Variants in TRHDE observed in about 807,000 individuals in gnomAD.
TRHDE encodes the protein thyrotropin-releasing hormone-degrading ectoenzyme.
Under a neutral mutation model 125.7 loss-of-function variants are expected in TRHDE, and 72 were observed. The ratio of observed to expected loss-of-function variants is 0.57; its 90% confidence interval spans 0.47 to 0.70. The LOEUF (loss-of-function observed/expected upper bound fraction) is 0.70, where lower values mean the gene tolerates loss of function less well. Ranked by LOEUF, TRHDE falls within the 30% of genes least tolerant of loss-of-function variation. The pLI, the probability that TRHDE is intolerant of heterozygous loss-of-function variation, is 0.00. For missense variants in TRHDE, 1,110 were observed against 1,327.1 expected, an observed-to-expected ratio of 0.84 and a Z score of 2.54; for synonymous variants, 509 against 509.1, an observed-to-expected ratio of 1.00 and a Z score of 0.00.
chr12:72,469,610 A>G, intron 3 of TRHDE, 148 bp from the exon 4 acceptor site: 1 of 733,420 alleles, frequency 1.4e-6, no homozygotes, highest in Non-Finnish European at 2.2e-6. Context: ...TGTCATGTAA[A>G]AATGGCAAGT....
At chr12:72,316,890 AC>A (rs992294521) in intron 2 of TRHDE, among the ~76,000 whole-genome samples, 2 of 152,162 alleles carry the variant, frequency 1.3e-5, no homozygotes, top group African/African-American at 4.8e-5. Context: ...CTCATATAGG[AC>A]CGCATTTAAT....
At chr12:72,660,809 T>C (rs914599191) in intron 18 of TRHDE, among the ~76,000 whole-genome samples, 30 of 152,144 alleles carry the variant, frequency 2.0e-4, no homozygotes, top group African/African-American at 7.0e-4. Flanking sequence ...CGCCCACAAA[T>C]GGCAGCATAA....
chr12:72,592,162 T>A (rs1031526815), intron 12 of TRHDE, among the ~76,000 whole-genome samples: 1 of 152,202 alleles, frequency 6.6e-6, no homozygotes, highest in African/African-American at 2.4e-5. Flanking sequence ...TCCCTGGTAT[T>A]CTTTGCCAAG....
intron 2 of TRHDE, among the ~76,000 whole-genome samples, chr12:72,199,509 A>G (rs1044518178): frequency 6.6e-6 from 1 of 152,192 alleles, no homozygotes; most frequent in Non-Finnish European, 1.5e-5. Context: ...TTGAAGGGTC[A>G]AAGAAAAGAC....
At chr12:72,313,211 T>C (rs1425352162) in intron 2 of TRHDE, among the ~76,000 whole-genome samples, 6 of 152,084 alleles carry the variant, frequency 3.9e-5, no homozygotes, top group African/African-American at 1.4e-4. Context: ...ATTGATGGAT[T>C]TTTTAAAAAA....
intron 2 of TRHDE, among the ~76,000 whole-genome samples, chr12:72,344,913 A>G (rs1230476359): frequency 6.6e-6 from 1 of 152,096 alleles, no homozygotes; most frequent in East Asian, 1.9e-4. Context: ...GAAGGATTAA[A>G]AAAAGAGGTT....
intron 2 of TRHDE, among the ~76,000 whole-genome samples, chr12:72,372,724 G>A (rs1314416155): frequency 1.3e-5 from 2 of 152,094 alleles, no homozygotes; most frequent in Admixed American, 1.3e-4. Context: ...ATTTCTGAGG[G>A]CTCTGTTCTG....
chr12:72,392,664 C>T (rs1872652837), intron 3 of TRHDE, among the ~76,000 whole-genome samples: 1 of 152,164 alleles, frequency 6.6e-6, no homozygotes, highest in African/African-American at 2.4e-5. Flanking sequence ...CCAATAACAT[C>T]TTGTTTACTA....
intron 12 of TRHDE, among the ~76,000 whole-genome samples, chr12:72,613,081 G>T (rs988410678): frequency 1.3e-5 from 2 of 152,036 alleles, no homozygotes; most frequent in African/African-American, 4.8e-5. Flanking sequence ...AAATCATGTC[G>T]TTTACCCTTG....
chr12:72,555,870 C>T (rs1298594961), intron 7 of TRHDE, among the ~76,000 whole-genome samples: 1 of 152,164 alleles, frequency 6.6e-6, no homozygotes, highest in African/African-American at 2.4e-5. Context: ...AATGCACATA[C>T]TTACAAATGT....
chr12:72,369,464 G>A (rs780976568), intron 2 of TRHDE, among the ~76,000 whole-genome samples: 5 of 152,114 alleles, frequency 3.3e-5, no homozygotes, highest in Non-Finnish European at 7.3e-5. Flanking sequence ...AATAAAAAAT[G>A]TAAAGGAGTA....
rs199551103 is a variant in TRHDE at position 72,501,452 on chromosome 12, AT to A, written c.1722+1825del. 4.5e-5 allele frequency among the ~76,000 whole-genome samples: 6 copies of A among 131,906 alleles called. No homozygotes were observed. The East Asian group carries it at 1.2e-3, about 26-fold the overall frequency. The allele number at this position is 131,906 out of a possible 152,430, so 86.5% of individuals were successfully genotyped here. ...CTCCAGAATCTATCAAGATGGTTAT[AT>A]TTTTTTTGTTTTTTAGTTTGTTAAT... is the stretch of plus-strand genomic sequence containing the variant. On this transcript the variant is annotated intron_variant, in intron 6 of 18. Coordinates refer to ENST00000261180, the MANE Select transcript of TRHDE (RefSeq NM_013381.3).
chr12:72,426,271 G>A (rs562473535), intron 3 of TRHDE, among the ~76,000 whole-genome samples: 69 of 152,116 alleles, frequency 4.5e-4, no homozygotes, highest in African/African-American at 1.6e-3. Context: ...GTATTTTAAT[G>A]GGTAAAATAT....
chr12:72,311,982 TG>T (rs1411083731), intron 2 of TRHDE, among the ~76,000 whole-genome samples: 1 of 152,180 alleles, frequency 6.6e-6, no homozygotes, highest in East Asian at 1.9e-4. Context: ...GTAGCAAAGA[TG>T]TAGAGAGAAG....
chr12:72,236,934 AG>A (rs1878347954), intron 2 of TRHDE, among the ~76,000 whole-genome samples: 1 of 152,180 alleles, frequency 6.6e-6, no homozygotes, highest in African/African-American at 2.4e-5. Flanking sequence ...ATGCTGTCAA[AG>A]CTTATATGGG....
At chr12:72,590,641 C>T (rs10879453) in intron 12 of TRHDE, among the ~76,000 whole-genome samples, 4 of 151,912 alleles carry the variant, frequency 2.6e-5, no homozygotes, top group Non-Finnish European at 5.9e-5. Flanking sequence ...TATGGTCACT[C>T]CAGCCTTCTT....
intron 2 of TRHDE, among the ~76,000 whole-genome samples, chr12:72,177,655 G>T (rs1260404579): frequency 6.6e-6 from 1 of 151,882 alleles, no homozygotes; most frequent in Non-Finnish European, 1.5e-5. Flanking sequence ...TAAGGTGTGG[G>T]CTTAGACAAT....
chr12:72,550,025 A>C (rs1869602762), intron 7 of TRHDE, among the ~76,000 whole-genome samples: 1 of 151,794 alleles, frequency 6.6e-6, no homozygotes, highest in Non-Finnish European at 1.5e-5. Flanking sequence ...AGGCCTCATA[A>C]ATTTATATTT....
chr12:72,191,180 A>C (rs893660407), intron 2 of TRHDE, among the ~76,000 whole-genome samples: 1 of 152,192 alleles, frequency 6.6e-6, no homozygotes, highest in Non-Finnish European at 1.5e-5. Flanking sequence ...ACCTTTATAG[A>C]ATTCTTAGTG....
Sources: allele counts gnomAD v4.1 joint callset (sites outside exome capture counted in the v4.1 genomes callset), GRCh38; gene constraint gnomAD v4.1.1; transcripts MANE v1.5; gene names NCBI Gene and HGNC (gene_info 2026-07-23, HGNC 2026-07-21).